Variants in MTFR1 observed in about 807,000 individuals in gnomAD.
MTFR1 encodes chondrocyte protein with a poly-proline region.
A neutral mutation model predicts 38.8 loss-of-function variants in MTFR1; 28 were observed. The observed-to-expected ratio is 0.72, with a 90% CI of 0.53 to 0.99. The LOEUF is 0.99. Among genes scored for constraint, MTFR1 ranks in the 50% least tolerant of loss-of-function variants. The pLI is 0.00. For missense variants in MTFR1, 358 were observed against 395.5 expected (o/e 0.91, Z 0.81); for synonymous variants, 145 against 137.0 (o/e 1.06, Z -0.41).
chr8:65,668,344 AT>A (rs34636319), intron 1 of MTFR1, among the ~76,000 whole-genome samples: 101,075 of 134,122 alleles, frequency 0.75, 38,316 homozygotes, highest in Non-Finnish European at 0.82. Context: ...CACCCAGCTA[AT>A]TTTTTTTTTT....
chr8:65,757,959 A>G (rs541360477), intron 3 of MTFR1, among the ~76,000 whole-genome samples: 3 of 152,338 alleles, frequency 2.0e-5, no homozygotes, highest in African/African-American at 7.2e-5. Flanking sequence ...CCCTCAATTT[A>G]TAACCCACTT....
At chr8:65,684,164 A>G (rs1804996478) in intron 3 of MTFR1, among the ~76,000 whole-genome samples, 2 of 152,158 alleles carry the variant, frequency 1.3e-5, no homozygotes, top group Admixed American at 1.3e-4. Context: ...AGTCAAGTAC[A>G]TTTACTTGGG....
chr8:65,755,094 C>T (rs1414149677), intron 3 of MTFR1, among the ~76,000 whole-genome samples: 3 of 146,408 alleles, frequency 2.0e-5, no homozygotes, highest in Non-Finnish European at 3.0e-5. Context: ...GGTTTCGGCT[C>T]ACTGTAACGT....
At chr8:65,744,283 A>G (rs1408504901) in intron 3 of MTFR1, among the ~76,000 whole-genome samples, 1 of 152,240 alleles carries the variant, frequency 6.6e-6, no homozygotes, top group Non-Finnish European at 1.5e-5. Flanking sequence ...ATGGAAATGG[A>G]AATGAACACT....
intron 1 of MTFR1, among the ~76,000 whole-genome samples, chr8:65,653,576 A>G (rs1481726806): frequency 1.3e-5 from 2 of 152,206 alleles, no homozygotes; most frequent in African/African-American, 2.4e-5. Flanking sequence ...AAGAGCATCC[A>G]GATATGACAA....
chr8:65,729,995 G>T (rs1438474381), intron 3 of MTFR1, among the ~76,000 whole-genome samples: 1 of 151,744 alleles, frequency 6.6e-6, no homozygotes, highest in Non-Finnish European at 1.5e-5. Flanking sequence ...CCAGGCCATG[G>T]ACCGGTACTG....
intron 3 of MTFR1, chr8:65,747,631 T>C: frequency 6.5e-7 from 1 of 1,530,622 alleles, no homozygotes; most frequent in Non-Finnish European, 8.9e-7. Flanking sequence ...ATTAATGTTT[T>C]CTTAAAAAAA....
At chr8:65,659,174 C>G (rs544517723) in intron 1 of MTFR1, among the ~76,000 whole-genome samples, 54 of 152,238 alleles carry the variant, frequency 3.5e-4, no homozygotes, top group Non-Finnish European at 6.2e-4. Context: ...TAACAAGGAC[C>G]ATTACCTTTC....
At chr8:65,754,004 C>T (rs974627088) in intron 3 of MTFR1, among the ~76,000 whole-genome samples, 6 of 151,992 alleles carry the variant, frequency 3.9e-5, no homozygotes, top group Non-Finnish European at 7.4e-5. Flanking sequence ...TTAGTTCTGT[C>T]CCTCTAAAGG....
intron 3 of MTFR1, among the ~76,000 whole-genome samples, chr8:65,738,343 AAT>A (rs1483351340): frequency 6.6e-6 from 1 of 152,208 alleles, no homozygotes; most frequent in Non-Finnish European, 1.5e-5. Flanking sequence ...AGGGTCAGAA[AAT>A]GAGACCCCAA....
At chr8:65,721,573 C>A (rs1320374865) in intron 3 of MTFR1, among the ~76,000 whole-genome samples, 1 of 152,112 alleles carries the variant, frequency 6.6e-6, no homozygotes, top group Non-Finnish European at 1.5e-5. Flanking sequence ...TCCCTGACAA[C>A]CCATTCTAGA....
intron 3 of MTFR1, among the ~76,000 whole-genome samples, chr8:65,685,767 G>A (rs1049003804): frequency 6.6e-6 from 1 of 152,186 alleles, no homozygotes; most frequent in Non-Finnish European, 1.5e-5. Context: ...GCTAATAAAG[G>A]TATAATTATC....
chr8:65,726,770 C>T, intron 3 of MTFR1: 1 of 611,934 alleles, frequency 1.6e-6, no homozygotes, highest in South Asian at 2.4e-5. Flanking sequence ...ACACTGAAAA[C>T]TGTGGAACAC....
At chr8:65,754,997 A>G (rs1000131448) in intron 3 of MTFR1, among the ~76,000 whole-genome samples, 1 of 149,044 alleles carries the variant, frequency 6.7e-6, no homozygotes, top group Non-Finnish European at 1.5e-5. Flanking sequence ...TTCTTCCATC[A>G]TTGCCTGTTT....
intron 3 of MTFR1, among the ~76,000 whole-genome samples, chr8:65,734,500 T>C (rs1007763111): frequency 2.0e-5 from 3 of 152,154 alleles, no homozygotes; most frequent in Non-Finnish European, 4.4e-5. Context: ...ACCAAGGCTG[T>C]CCCTGCCCAC....
chr8:65,750,474 C>CTG (rs371620919), intron 3 of MTFR1, among the ~76,000 whole-genome samples: 37,977 of 142,240 alleles, frequency 0.27, 5,717 homozygotes, highest in Non-Finnish European at 0.37. Flanking sequence ...ATTAGAATCA[C>CTG]TGTGTGTGTG....
chr8:65,757,144 G>A (rs1202713022), intron 3 of MTFR1, among the ~76,000 whole-genome samples: 1 of 152,132 alleles, frequency 6.6e-6, no homozygotes, highest in East Asian at 1.9e-4. Flanking sequence ...TCTCTCTGGG[G>A]AAGGTCTTAG....
chr8:65,657,864 G>C (rs1043207211), intron 1 of MTFR1, among the ~76,000 whole-genome samples: 2 of 152,162 alleles, frequency 1.3e-5, no homozygotes, highest in Admixed American at 1.3e-4. Context: ...GTAGTACTCA[G>C]ATCATAGTAG....
intron 3 of MTFR1, among the ~76,000 whole-genome samples, chr8:65,741,966 T>A (rs956432040): frequency 1.3e-5 from 2 of 152,156 alleles, no homozygotes; most frequent in African/African-American, 4.8e-5. Flanking sequence ...CAAGAATCAG[T>A]CTCTTAAAGT....
Sources: allele counts gnomAD v4.1 joint callset (sites outside exome capture counted in the v4.1 genomes callset), GRCh38; gene constraint gnomAD v4.1.1; transcripts MANE v1.5; gene names NCBI Gene and HGNC (gene_info 2026-07-23, HGNC 2026-07-21).